METTL24: variants seen among roughly 807,000 people sequenced by gnomAD.
METTL24 encodes the protein probable methyltransferase-like protein 24.
In METTL24, 29 loss-of-function variants were observed where a neutral mutation model predicts 32.7. That is an observed-to-expected ratio of 0.89 (90% CI 0.66 to 1.21). The LOEUF (loss-of-function observed/expected upper bound fraction) is 1.21. Among genes scored for constraint, METTL24 ranks in the 50% most tolerant of loss-of-function variants. METTL24 has a pLI of 0.00. For synonymous variants in METTL24, 163 were observed against 179.5 expected, an observed-to-expected ratio of 0.91 and a Z score of 0.73; for missense variants, 439 against 468.1, an observed-to-expected ratio of 0.94 and a Z score of 0.57.
rs547848777 is a variant in METTL24, at chr6:110,322,300, C to T, written c.417+474G>A. Among the ~76,000 whole-genome samples, 4 of 152,322 alleles carry T rather than the reference C, an allele frequency of 2.6e-5. No homozygotes were observed. In the East Asian group the frequency reaches 7.7e-4, roughly 29 times the overall value. ...CTTTGGATTCATTAACTCCTCAGCA[C>T]ACTGCCTGCAAAGCCTCCTCTGCTC... On this transcript the variant is annotated intron_variant, in intron 2 of 4. Coordinates refer to ENST00000338882, the MANE Select transcript of METTL24 (RefSeq NM_001123364.3).
intron 1 of METTL24, among the ~76,000 whole-genome samples, chr6:110,340,149 G>A (rs1006062667): frequency 6.6e-6 from 1 of 151,412 alleles, no homozygotes; most frequent in Non-Finnish European, 1.5e-5. Context: ...CTTCTTCAAG[G>A]TCTAACTTAA....
chr6:110,328,286 T>C (rs1006637382), intron 1 of METTL24, among the ~76,000 whole-genome samples: 4 of 152,222 alleles, frequency 2.6e-5, no homozygotes, highest in Non-Finnish European at 4.4e-5. Context: ...GCAAAGGCCT[T>C]ATCTGGCACC....
chr6:110,280,196 G>T (rs1236722769), intron 4 of METTL24, among the ~76,000 whole-genome samples: 1 of 152,090 alleles, frequency 6.6e-6, no homozygotes, highest in East Asian at 1.9e-4. Flanking sequence ...AATTTGGGTG[G>T]ACACACATAT....
chr6:110,248,462 C>T (rs755946169), intron 4 of METTL24, among the ~76,000 whole-genome samples: 3 of 152,176 alleles, frequency 2.0e-5, no homozygotes, highest in East Asian at 1.9e-4. Flanking sequence ...TGGTAATACC[C>T]GAAGAATACT....
intron 4 of METTL24, among the ~76,000 whole-genome samples, chr6:110,287,365 A>C (rs1355838251): frequency 2.6e-5 from 4 of 152,228 alleles, no homozygotes; most frequent in African/African-American, 9.6e-5. Flanking sequence ...ATTCAGCACC[A>C]TGAATGACTC....
intron 3 of METTL24, among the ~76,000 whole-genome samples, chr6:110,299,881 C>T (rs1275779089): frequency 6.6e-6 from 1 of 151,992 alleles, no homozygotes; most frequent in African/African-American, 2.4e-5. Context: ...GATTAAAACA[C>T]CAGTTTTAAT....
At chr6:110,302,620 TATATAC>T (rs1771550992) in intron 3 of METTL24, among the ~76,000 whole-genome samples, 1 of 131,340 alleles carries the variant, frequency 7.6e-6, no homozygotes, top group Non-Finnish European at 1.5e-5. Context: ...TATGTGTATA[TATATAC>T]ACATATACAC....
Position 110,358,332 on chromosome 6 carries a change from A to G in METTL24, c.-60T>C. On this transcript the variant is annotated 5_prime_UTR_variant, in exon 1 of 5. Coordinates refer to ENST00000338882, the MANE Select transcript of METTL24 (RefSeq NM_001123364.3). ...GCCGGCAGCAGGGATGTAGCCCCAC[A>G]GGCCGGAGCGGCCAACTGTGGGAAC... is the stretch of plus-strand genomic sequence containing the variant. 1 of 1,272,494 alleles carries G rather than the reference A, an allele frequency of 7.9e-7. No homozygotes were observed. The highest frequency in any genetic ancestry group is 3.8e-5 in the Admixed American group (1 of 26,098). 78.8% of individuals were successfully genotyped at this position (1,272,494 alleles called of 1,614,324 possible).
chr6:110,304,865 C>G (rs1333118173), intron 3 of METTL24, among the ~76,000 whole-genome samples: 2 of 152,040 alleles, frequency 1.3e-5, no homozygotes, highest in African/African-American at 4.8e-5. Context: ...TCAGATTCAC[C>G]AAGGTTGAAA....
At chr6:110,254,829 A>G (rs1365090997) in intron 4 of METTL24, among the ~76,000 whole-genome samples, 3 of 152,236 alleles carry the variant, frequency 2.0e-5, no homozygotes, top group African/African-American at 7.2e-5. Context: ...ATTTAATGAT[A>G]AAATATATCT....
At chr6:110,340,524 G>A (rs1290088905) in intron 1 of METTL24, among the ~76,000 whole-genome samples, 2 of 152,166 alleles carry the variant, frequency 1.3e-5, no homozygotes, top group African/African-American at 4.8e-5. Context: ...CTAGGTATCT[G>A]TAATCTGAAA....
chr6:110,344,091 C>T (rs1002932498), intron 1 of METTL24, among the ~76,000 whole-genome samples: 1 of 152,136 alleles, frequency 6.6e-6, no homozygotes, highest in Non-Finnish European at 1.5e-5. Flanking sequence ...TGTAATCTGC[C>T]CAACAATGCA....
At chr6:110,326,483 C>T (rs1343966923) in intron 1 of METTL24, among the ~76,000 whole-genome samples, 3 of 152,062 alleles carry the variant, frequency 2.0e-5, no homozygotes, top group African/African-American at 7.3e-5. Context: ...TGGCCGTATG[C>T]TTATGGTGAG....
chr6:110,343,539 C>A (rs1772405927), intron 1 of METTL24, among the ~76,000 whole-genome samples: 1 of 151,968 alleles, frequency 6.6e-6, no homozygotes, highest in Non-Finnish European at 1.5e-5. Context: ...TAGGACAGGC[C>A]CGGAAGGAAA....
At chr6:110,266,781 T>C (rs1385310724) in intron 4 of METTL24, among the ~76,000 whole-genome samples, 1 of 152,194 alleles carries the variant, frequency 6.6e-6, no homozygotes, top group Non-Finnish European at 1.5e-5. Flanking sequence ...GATACTGACA[T>C]TATTTTGACC....
intron 4 of METTL24, among the ~76,000 whole-genome samples, chr6:110,283,370 A>T (rs1316104565): frequency 6.6e-6 from 1 of 152,188 alleles, no homozygotes; most frequent in African/African-American, 2.4e-5. Flanking sequence ...TAAGAAAAAA[A>T]ATTACTAGAA....
At chr6:110,351,708 C>T (rs1772606961) in intron 1 of METTL24, among the ~76,000 whole-genome samples, 3 of 152,200 alleles carry the variant, frequency 2.0e-5, no homozygotes, top group Admixed American at 1.3e-4. Flanking sequence ...GGGCAGGCGC[C>T]CTAGGCCTTT....
intron 3 of METTL24, among the ~76,000 whole-genome samples, chr6:110,303,475 G>A (rs1370026184): frequency 6.6e-6 from 1 of 152,214 alleles, no homozygotes; most frequent in Non-Finnish European, 1.5e-5. Flanking sequence ...CAAGCTTGGT[G>A]TGGGGAGGGG....
intron 4 of METTL24, among the ~76,000 whole-genome samples, chr6:110,275,985 C>G (rs376839025): frequency 9.2e-5 from 14 of 152,272 alleles, no homozygotes; most frequent in East Asian, 1.9e-4. Flanking sequence ...TGTGCCTTCC[C>G]AGCCACAGCA....
Sources: allele counts gnomAD v4.1 joint callset (sites outside exome capture counted in the v4.1 genomes callset), GRCh38; gene constraint gnomAD v4.1.1; transcripts MANE v1.5; gene names NCBI Gene and HGNC (gene_info 2026-07-23, HGNC 2026-07-21).